Variants in IMMP2L observed in about 807,000 individuals in gnomAD.
IMMP2L encodes the protein mitochondrial inner membrane protease subunit 2.
A neutral mutation model predicts 19.3 loss-of-function variants in IMMP2L; 18 were observed. That is an observed-to-expected ratio of 0.93 (90% CI 0.64 to 1.38). IMMP2L has a LOEUF of 1.38. Ranked by LOEUF, IMMP2L falls within the 40% of genes most tolerant of loss-of-function variation. The pLI is 0.00. For synonymous variants in IMMP2L, 76 were observed against 73.0 expected (o/e 1.04, Z -0.21); for missense variants, 233 against 218.2 (o/e 1.07, Z -0.43).
At chr7:111,456,660 C>T (rs1246119592) in intron 3 of IMMP2L, among the ~76,000 whole-genome samples, 1 of 151,652 alleles carries the variant, frequency 6.6e-6, no homozygotes, top group Non-Finnish European at 1.5e-5. Flanking sequence ...TAAAAGTTTC[C>T]ATTGTCTTTG....
At chr7:111,462,161 G>A (rs113142429) in intron 3 of IMMP2L, among the ~76,000 whole-genome samples, 4 of 151,902 alleles carry the variant, frequency 2.6e-5, no homozygotes, top group African/African-American at 9.6e-5. Flanking sequence ...AAGACTCAAA[G>A]TATAACCAGT....
At position 111,432,965 on chromosome 7, in the gene IMMP2L, G is replaced by GA. The variant is rs543323034; in HGVS notation, c.239+54272dup. Among the ~76,000 whole-genome samples, 372 of 137,500 alleles carry GA rather than the reference G, an allele frequency of 2.7e-3. 7 individuals carry two copies. Among genetic ancestry groups the GA allele is most frequent in the African/African-American group, 8.1e-3 (303 of 37,294 alleles). 90.2% of individuals were successfully genotyped at this position (137,500 alleles called of 152,430 possible). ...CACTTCCAACAGCTACAAAAAAAAAGAAAAAAAAAAACACACCTGGGAATA... is the reference window on the plus strand; with the variant it reads ...CACTTCCAACAGCTACAAAAAAAAAGAAAAAAAAAAAACACACCTGGGAATA... On this transcript the variant is annotated intron_variant, in intron 3 of 5. Transcript: ENST00000405709.
chr7:110,771,885 G>A (rs1394430124), intron 5 of IMMP2L, among the ~76,000 whole-genome samples: 5 of 152,146 alleles, frequency 3.3e-5, no homozygotes, highest in African/African-American at 1.2e-4. Flanking sequence ...CAACCTTGAA[G>A]TCTAGGATAT....
chr7:111,442,001 G>A (rs1837788583), intron 3 of IMMP2L, among the ~76,000 whole-genome samples: 1 of 151,686 alleles, frequency 6.6e-6, no homozygotes, highest in Admixed American at 6.6e-5. Flanking sequence ...GCTGGGTGTG[G>A]TGGTGCGTGC....
At chr7:111,417,359 G>A (rs1456524339) in intron 3 of IMMP2L, among the ~76,000 whole-genome samples, 2 of 151,856 alleles carry the variant, frequency 1.3e-5, no homozygotes, top group Non-Finnish European at 2.9e-5. Context: ...ATCATGCAAA[G>A]GGTGATATAT....
chr7:110,942,618 A>T (rs556568313), intron 4 of IMMP2L, among the ~76,000 whole-genome samples: 10 of 151,962 alleles, frequency 6.6e-5, no homozygotes, highest in Non-Finnish European at 1.3e-4. Context: ...AAACACTGAC[A>T]GTTTAGCTCA....
intron 3 of IMMP2L, among the ~76,000 whole-genome samples, chr7:111,038,325 G>A (rs1298636790): frequency 6.6e-6 from 1 of 152,176 alleles, no homozygotes; most frequent in Non-Finnish European, 1.5e-5. Context: ...TGGAAGCACA[G>A]TGGAAAAGGA....
At chr7:111,063,977 G>A (rs539104394) in intron 3 of IMMP2L, among the ~76,000 whole-genome samples, 1 of 152,010 alleles carries the variant, frequency 6.6e-6, no homozygotes, top group Admixed American at 6.6e-5. Flanking sequence ...TTCCAAAGTC[G>A]CTTCCATATT....
At chr7:111,420,598 G>A (rs545965481) in intron 3 of IMMP2L, among the ~76,000 whole-genome samples, 1 of 77,516 alleles carries the variant, frequency 1.3e-5, no homozygotes, top group Non-Finnish European at 2.3e-5. Context: ...GATGTTCCCC[G>A]CCCTGTGTCC....
At chr7:110,909,792 AC>A (rs1812845601) in intron 4 of IMMP2L, among the ~76,000 whole-genome samples, 1 of 151,856 alleles carries the variant, frequency 6.6e-6, no homozygotes, top group African/African-American at 2.4e-5. Flanking sequence ...AACTCTACCT[AC>A]CTTTCCCACC....
chr7:110,927,599 C>T (rs1814994426), intron 4 of IMMP2L, among the ~76,000 whole-genome samples: 1 of 151,872 alleles, frequency 6.6e-6, no homozygotes, highest in Non-Finnish European at 1.5e-5. Context: ...AGGAAAGGGG[C>T]CATATATAAA....
intron 3 of IMMP2L, among the ~76,000 whole-genome samples, chr7:111,215,397 A>G (rs1811826514): frequency 6.6e-6 from 1 of 152,188 alleles, no homozygotes; most frequent in South Asian, 2.1e-4. Context: ...TGCACAGTTA[A>G]TACAGCTAGC....
intron 3 of IMMP2L, among the ~76,000 whole-genome samples, chr7:111,020,293 A>G (rs374163590): frequency 7.2e-5 from 11 of 152,080 alleles, no homozygotes; most frequent in African/African-American, 2.7e-4. Flanking sequence ...CTGAGACAGA[A>G]GAATTGCTTG....
At chr7:110,705,880 G>T (rs1030518547) in intron 5 of IMMP2L, among the ~76,000 whole-genome samples, 1 of 152,040 alleles carries the variant, frequency 6.6e-6, no homozygotes, top group Non-Finnish European at 1.5e-5. Context: ...CCATGTTGCT[G>T]CAAAGGACAT....
chr7:111,369,786 C>CTAAGTATA lies in IMMP2L; in HGVS notation c.239+117451_239+117452insTATACTTA, dbSNP rs1368305802. ...TCATAAAAGTTTTATCTCCCTAGAC[C>CTAAGTATA]TAGGCTTAGATATACTATTTGTTAC... On this transcript the variant is annotated intron_variant, in intron 3 of 5. Coordinates refer to ENST00000405709, the MANE Select transcript of IMMP2L (RefSeq NM_032549.4). Among the ~76,000 whole-genome samples, 12 of 151,818 alleles carry CTAAGTATA rather than the reference C, an allele frequency of 7.9e-5. No homozygotes were observed. The East Asian group carries it at 2.1e-3, about 27-fold the overall frequency.
At chr7:111,004,039 G>C (rs1004167737) in intron 3 of IMMP2L, among the ~76,000 whole-genome samples, 3 of 152,176 alleles carry the variant, frequency 2.0e-5, no homozygotes, top group African/African-American at 7.2e-5. Flanking sequence ...GAAAGGTCAA[G>C]AAACAGAGAG....
chr7:110,945,195 C>G (rs1015232982), intron 4 of IMMP2L, among the ~76,000 whole-genome samples: 2 of 151,786 alleles, frequency 1.3e-5, no homozygotes, highest in African/African-American at 2.4e-5. Context: ...TGTGAGGGGC[C>G]GCATCTGCAG....
chr7:110,970,205 C>A (rs1000960462), intron 3 of IMMP2L, among the ~76,000 whole-genome samples: 3 of 152,040 alleles, frequency 2.0e-5, no homozygotes, highest in Non-Finnish European at 4.4e-5. Context: ...TCCTGAAAAA[C>A]AAATGTCTTC....
intron 3 of IMMP2L, among the ~76,000 whole-genome samples, chr7:110,970,171 A>G (rs1057029469): frequency 3.7e-4 from 56 of 152,274 alleles, no homozygotes; most frequent in African/African-American, 1.3e-3. Flanking sequence ...AATTGAAAAG[A>G]GCTGTGTAAT....
Sources: gnomAD v4.1 joint callset for allele counts (sites outside exome capture counted in the v4.1 genomes callset) on GRCh38, gnomAD v4.1.1 for gene constraint, MANE v1.5 for transcripts, NCBI Gene and HGNC (gene_info 2026-07-23, HGNC 2026-07-21) for gene names.